The following SPTA1 variants were observed in gnomAD, a reference collection of about 807,000 sequenced individuals.
The protein encoded by SPTA1 is spectrin alpha chain, erythrocytic 1.
SPTA1 carries 177 observed loss-of-function variants against 324.7 expected under a neutral mutation model. The ratio of observed to expected loss-of-function variants is 0.55; its 90% CI spans 0.48 to 0.62. SPTA1 has a LOEUF of 0.62. SPTA1 is among the 20% of genes least tolerant of loss of function. The pLI is 0.00. For missense variants in SPTA1, 3,162 were observed against 2,883.6 expected (o/e 1.10, Z -2.21); for synonymous variants, 1,195 against 1,041.3 (o/e 1.15, Z -2.84).
Position 158,614,302 on chromosome 1 carries a change from T to G in SPTA1, c.6793A>C (p.Ile2265Leu), listed in dbSNP as rs746458987. Reference sequence around the variant, plus strand: ...AGAGTCTCTTCACTCACACCTTTGATGTCCCTGAAAGAAAAAAAAAAAACA... The same window carrying G: ...AGAGTCTCTTCACTCACACCTTTGAGGTCCCTGAAAGAAAAAAAAAAAACA... ...NLEQQIQAKDIKGVSEETLKE... is the reference protein window; with the variant it reads ...NLEQQIQAKDLKGVSEETLKE... Residue 2265 changes from isoleucine to leucine, a missense_variant, in exon 49 of 52, where the codon ATC becomes CTC. By Grantham distance (5) the Ile-to-Leu change is conservative. Transcript: ENST00000643759. The G allele has an allele frequency of 1.3e-5, 20 of 1,572,502 alleles. No homozygotes were observed. The highest frequency in any genetic ancestry group is 1.6e-5 in the Non-Finnish European group (19 of 1,154,116).
intron 10 of SPTA1, among the ~76,000 whole-genome samples, chr1:158,673,938 G>A (rs546583735): frequency 2.6e-5 from 4 of 152,144 alleles, no homozygotes; most frequent in African/African-American, 9.7e-5. Context: ...AATTCCATCT[G>A]TACTGAGCAT....
chr1:158,678,517 T>C lies in SPTA1; in HGVS notation c.696A>G (p.Leu232=), dbSNP rs377366233. 1.2e-6 allele frequency: 2 copies of C among 1,613,418 alleles called. No individual in the cohort carries two copies. The highest frequency in any genetic ancestry group is 2.7e-5 in the African/African-American group (2 of 74,854). Residue 232 remains leucine, a synonymous_variant, in exon 6 of 52, where the codon CTA becomes CTG. Coordinates refer to ENST00000643759, the MANE Select transcript of SPTA1 (RefSeq NM_003126.4). ...NECAEENHPD[L]PLIQSKQNEV... ...CATTTTGCTTAGACTGAATTAAGGG[T>C]AGGTCAGGATGGTTTTCCTGTTGAA...
At chr1:158,646,316 A>C (rs1571439932) in intron 27 of SPTA1, among the ~76,000 whole-genome samples, 1 of 152,196 alleles carries the variant, frequency 6.6e-6, no homozygotes, top group Admixed American at 6.5e-5. Context: ...TGTTTGCTCA[A>C]CAGGAACCCT....
In SPTA1 at chr1:158,642,820, GT is replaced by G. The variant is rs1302800409; in HGVS notation, c.4598del (p.Asn1533ThrfsTer7). The G allele has an allele frequency of 6.2e-7, 1 of 1,613,838 alleles. No homozygotes were observed. The highest frequency in any genetic ancestry group is 1.3e-5 in the African/African-American group (1 of 75,010). The part of the protein sequence containing the change: ...ACDESYKDAT[N>X]IQRKYLKHQT... ...ATTCCTATTTTGAACTTGCCTGAAT[GT>G]TAGTGGCGTCTTTGTAGGATTCATC... On this transcript the variant is annotated frameshift_variant, in exon 32 of 52. Coordinates refer to ENST00000643759, the MANE Select transcript of SPTA1 (RefSeq NM_003126.4). LOFTEE classifies it high-confidence loss of function.
chr1:158,648,372 A>G (rs1258273025), intron 26 of SPTA1, 137 bp downstream of exon 26: 3 of 1,305,944 alleles, frequency 2.3e-6, no homozygotes, highest in East Asian at 2.4e-5. Context: ...GGGACAGTGT[A>G]CAAGAATAAA....
At chr1:158,664,645 A>G (rs190871033) in intron 16 of SPTA1, among the ~76,000 whole-genome samples, 1 of 152,370 alleles carries the variant, frequency 6.6e-6, no homozygotes, top group East Asian at 1.9e-4. Context: ...TTGCACATGT[A>G]TCCCAGAACT....
In SPTA1 at chr1:158,669,698, C is replaced by T. The variant is rs1300028976; in HGVS notation, c.1677+11G>A. ...TGTAGGCACACAGAAGCTCTAGGCC[C>T]TTGGACATACCCCGTCACGGATAGC... On this transcript the variant is annotated intron_variant, in intron 13 of 51. Transcript: ENST00000643759. The T allele has an allele frequency of 6.2e-7, 1 of 1,614,104 alleles. No individual in the cohort carries two copies. The highest frequency in any genetic ancestry group is 8.5e-7 in the Non-Finnish European group (1 of 1,179,982).
chr1:158,665,848 A>G (rs1252288466), intron 16 of SPTA1, among the ~76,000 whole-genome samples: 1 of 150,516 alleles, frequency 6.6e-6, no homozygotes, highest in East Asian at 2.0e-4. Context: ...ATAGGTGAGG[A>G]TAGTGAAGAT....
In SPTA1 at chr1:158,666,348, C is replaced by T. The variant is rs771851080; in HGVS notation, c.2188G>A (p.Gly730Ser). Residue 730 changes from glycine (G) to serine (S), a missense_variant, in exon 16 of 52, where the codon GGC (glycine) becomes AGC (serine). Gly to Ser is a moderately conservative substitution (Grantham distance 56). Transcript: ENST00000643759. ...GCAGCCACAGCCGACTCCAGGAGGCCGTGTTTCCTGAGTCGATTCTGTACC... is the reference window on the plus strand; with the variant it reads ...GCAGCCACAGCCGACTCCAGGAGGCTGTGTTTCCTGAGTCGATTCTGTACC... Reference protein sequence around the residue: ...AEVQNRLRKHGLLESAVAARQ... With the variant: ...AEVQNRLRKHSLLESAVAARQ... The T allele has an allele frequency of 1.9e-5, 30 of 1,613,682 alleles. No individual in the cohort carries two copies. Among genetic ancestry groups the T allele is most frequent in the Middle Eastern group, 1.7e-4 (1 of 6,046 alleles).
rs1571421172 is a variant in SPTA1, at chr1:158,639,898, A to G, written c.4847T>C (p.Ile1616Thr). Residue 1616 changes from isoleucine to threonine, a missense_variant, in exon 34 of 52, where the codon ATC becomes ACC. Transcript: ENST00000643759. ...ASRQQRFNTSIRDFEFWLSEA... is the reference protein window; with the variant it reads ...ASRQQRFNTSTRDFEFWLSEA... ...TGAGAGCCAGAACTCAAAGTCCCGG[A>G]TGCTTGTGTTGAACCTCTGTTGACG... 6.2e-7 allele frequency: 1 copy of G among 1,613,910 alleles called. No homozygotes were observed. Among genetic ancestry groups the G allele is most frequent in the Non-Finnish European group, 8.5e-7 (1 of 1,179,930 alleles).
rs758261510 is a variant in SPTA1, at chr1:158,669,377, A to T, written c.1833+31T>A. ...CTTCCAATGAAAGGAACTCCTGATAACTACATCCAGCTCCTGAAAACTCTG... is the reference window on the plus strand; with the variant it reads ...CTTCCAATGAAAGGAACTCCTGATATCTACATCCAGCTCCTGAAAACTCTG... On this transcript the variant is annotated intron_variant, in intron 14 of 51. Transcript: ENST00000643759. 2.5e-6 allele frequency: 4 copies of T among 1,613,832 alleles called. No homozygotes were observed. In the South Asian group the frequency reaches 4.4e-5, roughly 18 times the overall value.
intron 39 of SPTA1, among the ~76,000 whole-genome samples, chr1:158,632,048 G>A (rs934232812): frequency 4.6e-5 from 7 of 152,044 alleles, no homozygotes; most frequent in Middle Eastern, 3.4e-3. Context: ...CAACCTAAAT[G>A]TCCATCAACA....
Position 158,685,477 on chromosome 1 carries a change from G to A in SPTA1, c.25-130C>T, listed in dbSNP as rs150168383. 1.6e-5 allele frequency: 21 copies of A among 1,285,570 alleles called. No homozygotes were observed. In the East Asian group the frequency reaches 4.7e-4, roughly 29 times the overall value. The allele number at this position is 1,285,570 out of a possible 1,614,324, so 79.6% of individuals were successfully genotyped here. ...TATCCTGAAGTTTCTAGGGACTATT[G>A]TCAGAAGAGCTGTAGTATATTTACG... On this transcript the variant is annotated intron_variant, in intron 1 of 51. Transcript: ENST00000643759.
Position 158,613,846 on chromosome 1 carries a change from T to C in SPTA1, c.6864A>G (p.Thr2288=), listed in dbSNP as rs1298452485. The change falls in exon 50 of 52, where the codon ACA becomes ACG. Residue 2288 remains threonine (T), a synonymous_variant. Coordinates refer to ENST00000643759, the MANE Select transcript of SPTA1 (RefSeq NM_003126.4). ...TIYKHFDENL[T]GRLTHKEFRS... The stretch of plus-strand genomic sequence containing the variant: ...GGAACTCTTTGTGAGTCAGGCGCCC[T>C]GTCAAATTCTCATCAAAGTGTCTAA... 7 of 1,613,676 alleles carry C rather than the reference T, an allele frequency of 4.3e-6. No homozygotes were observed. Among genetic ancestry groups the C allele is most frequent in the Non-Finnish European group, 5.9e-6 (7 of 1,179,898 alleles).
In SPTA1 at chr1:158,683,408, C is replaced by T. The variant is rs761738511; in HGVS notation, c.353G>A (p.Arg118Gln). Residue 118 changes from arginine (R) to glutamine (Q), a missense_variant, in exon 3 of 52, where the codon CGA (arginine) becomes CAA (glutamine). Coordinates refer to ENST00000643759, the MANE Select transcript of SPTA1 (RefSeq NM_003126.4). The stretch of plus-strand genomic sequence containing the variant: ...GTGGGCAGAATGACCCATGGTAAAT[C>T]GTTCTTCCCTTGTTTTTTCCAGTTC... ...MSELEKTREE[R>Q]FTMGHSAHEE... 11 of 1,613,282 alleles carry T rather than the reference C, an allele frequency of 6.8e-6. 1 individual carries two copies. Among genetic ancestry groups the T allele is most frequent in the East Asian group, 6.7e-5 (3 of 44,872 alleles).
At chr1:158,668,523 T>C (rs1201909881) in intron 14 of SPTA1, among the ~76,000 whole-genome samples, 1 of 152,168 alleles carries the variant, frequency 6.6e-6, no homozygotes, top group African/African-American at 2.4e-5. Context: ...AAGATGTTCA[T>C]AGCTCTATCA....
At chr1:158,670,769 G>A (rs1653964267) in intron 12 of SPTA1, among the ~76,000 whole-genome samples, 1 of 151,882 alleles carries the variant, frequency 6.6e-6, no homozygotes, top group South Asian at 2.1e-4. Flanking sequence ...CAGAGATAAA[G>A]ATATACTATA....
intron 2 of SPTA1, among the ~76,000 whole-genome samples, chr1:158,684,349 G>A (rs180939188): frequency 1.6e-4 from 25 of 152,100 alleles, no homozygotes; most frequent in Admixed American, 1.2e-3. Context: ...GAGAAGAGTG[G>A]AGGACAGTTG....
At chr1:158,644,199 T>C in intron 30 of SPTA1, 54 bp downstream of exon 30, 1 of 1,603,226 alleles carries the variant, frequency 6.2e-7, no homozygotes, top group Middle Eastern at 1.7e-4. Context: ...GTGTAGGATT[T>C]CTGTTATTAT....
Sources: gnomAD v4.1 joint callset for allele counts (sites outside exome capture counted in the v4.1 genomes callset) on GRCh38, gnomAD v4.1.1 for gene constraint, MANE v1.5 for transcripts, NCBI Gene and HGNC (gene_info 2026-07-23, HGNC 2026-07-21) for gene names.